ANKHD1: variants seen among roughly 807,000 people sequenced by gnomAD.
The protein encoded by ANKHD1 is ankyrin repeat and KH domain containing 1.
A neutral mutation model predicts 230.5 loss-of-function variants in ANKHD1; 31 were observed. The observed-to-expected ratio is 0.13, with a 90% CI of 0.10 to 0.18. The LOEUF (loss-of-function observed/expected upper bound fraction) is 0.18, where lower values mean the gene tolerates loss of function less well. Ranked by LOEUF, ANKHD1 falls within the 10% of genes least tolerant of loss-of-function variation. ANKHD1 has a pLI of 1.00. For missense variants in ANKHD1, 2,256 were observed against 3,071.3 expected, an observed-to-expected ratio of 0.73 and a Z score of 6.27; for synonymous variants, 1,074 against 1,117.6, an observed-to-expected ratio of 0.96 and a Z score of 0.78.
intron 24 of ANKHD1, among the ~76,000 whole-genome samples, chr5:140,522,420 CAATG>C: frequency 6.6e-6 from 1 of 152,282 alleles, no homozygotes; most frequent in Middle Eastern, 3.4e-3. Flanking sequence ...AAACAATGCT[CAATG>C]ATTGTAAGCA....
rs1249528105 is a variant in ANKHD1, at chr5:140,526,163, C to T, written c.4660C>T (p.Pro1554Ser). ...KNKKNKTKETPPTAHLILPEQ... is the reference protein window; with the variant it reads ...KNKKNKTKETSPTAHLILPEQ... ...TAAGAAGAACAAAACAAAAGAAACC[C>T]CTCCTACAGCACATTTAATTTTACC... The change falls in exon 26 of 34, where the codon CCT (proline) becomes TCT (serine). Residue 1554 changes from proline to serine, a missense_variant. Transcript: ENST00000360839. The T allele has an allele frequency of 1.2e-6, 2 of 1,613,428 alleles. No homozygotes were observed. Among genetic ancestry groups the T allele is most frequent in the African/African-American group, 2.7e-5 (2 of 74,876 alleles).
chr5:140,404,190 A>G (rs372301475), intron 1 of ANKHD1, among the ~76,000 whole-genome samples: 7 of 152,286 alleles, frequency 4.6e-5, no homozygotes, highest in African/African-American at 1.4e-4. Context: ...TTTCAGTGAA[A>G]CGTGAGAGAT....
At chr5:140,539,312 C>G in intron 33 of ANKHD1, 47 bp from the exon 34 acceptor site, 1 of 1,611,582 alleles carries the variant, frequency 6.2e-7, no homozygotes, top group African/African-American at 1.3e-5. Flanking sequence ...TTGTAACTGT[C>G]TAAAGATTCC....
intron 14 of ANKHD1, among the ~76,000 whole-genome samples, chr5:140,493,605 T>C (rs1021880628): frequency 1.3e-5 from 2 of 152,236 alleles, no homozygotes; most frequent in Non-Finnish European, 1.5e-5. Flanking sequence ...ATTATCTGTT[T>C]TTCACCAATC....
chr5:140,497,877 C>CACA (rs1198938820), intron 15 of ANKHD1, among the ~76,000 whole-genome samples: 11 of 144,516 alleles, frequency 7.6e-5, no homozygotes, highest in African/African-American at 1.5e-4. Flanking sequence ...CCACACCACA[C>CACA]CACACACACA....
At chr5:140,513,533 G>T in intron 24 of ANKHD1, 54 bp downstream of exon 24, 1 of 1,567,492 alleles carries the variant, frequency 6.4e-7, no homozygotes, top group South Asian at 1.2e-5. Context: ...TGGGGGCCGG[G>T]CACGGTGGCT....
chr5:140,485,923 A>G lies in ANKHD1; in HGVS notation c.2142+191A>G. The G allele has an allele frequency of 8.4e-6, 7 of 836,488 alleles. No individual in the cohort carries two copies. Among genetic ancestry groups the G allele is most frequent in the Non-Finnish European group, 1.2e-5 (7 of 571,606 alleles). 51.8% of individuals were successfully genotyped at this position (836,488 alleles called of 1,614,324 possible). A position where few individuals can be genotyped will look rare whatever the true frequency, so the allele number is the denominator to read the frequency against. ...ACTGAAATTTGTTATTGCCTTATTT[A>G]TTGAGAATAGTGGTTTTTAAAAACC... On this transcript the variant is annotated intron_variant, in intron 13 of 33. Transcript: ENST00000360839. This position sits in a 1 kb window ranked among gnomAD's most constrained non-coding sequence, Gnocchi z 4.8.
intron 15 of ANKHD1, among the ~76,000 whole-genome samples, chr5:140,504,109 G>A (rs1752440929): frequency 6.6e-6 from 1 of 151,012 alleles, no homozygotes; most frequent in South Asian, 2.1e-4. Context: ...CTGGAGGGCA[G>A]TGGCGTGATC....
At chr5:140,421,435 G>A (rs2126874478) in intron 1 of ANKHD1, among the ~76,000 whole-genome samples, 1 of 151,852 alleles carries the variant, frequency 6.6e-6, no homozygotes, top group South Asian at 2.1e-4. Flanking sequence ...TGAGTAGCTG[G>A]GATTACAGGG....
intron 25 of ANKHD1, chr5:140,524,957 A>G: frequency 2.8e-6 from 1 of 353,830 alleles, no homozygotes; most frequent in Admixed American, 3.4e-5. Context: ...AAAAAATTAC[A>G]AAATTAGCCT....
intron 6 of ANKHD1, among the ~76,000 whole-genome samples, chr5:140,447,035 T>C (rs1233414153): frequency 1.3e-5 from 2 of 151,994 alleles, no homozygotes; most frequent in Non-Finnish European, 2.9e-5. Flanking sequence ...TCAGCCTCCC[T>C]AGTAGCTGGT....
intron 10 of ANKHD1, among the ~76,000 whole-genome samples, chr5:140,478,423 ATTATT>A (rs1206273198): frequency 1.3e-5 from 2 of 151,242 alleles, no homozygotes; most frequent in East Asian, 1.9e-4. Context: ...GTGAATTGTA[ATTATT>A]TTATAAGTAG....
intron 25 of ANKHD1, chr5:140,524,910 C>G: frequency 3.5e-6 from 1 of 286,928 alleles, no homozygotes; most frequent in Non-Finnish European, 6.9e-6. Context: ...ACCAGCCTGA[C>G]CAATATGGTG....
chr5:140,479,170 T>C lies in ANKHD1; in HGVS notation c.1783-3410T>C, dbSNP rs982138702. Among the ~76,000 whole-genome samples the C allele has an allele frequency of 8.1e-5, 12 of 148,780 alleles. 1 individual carries two copies. Among genetic ancestry groups the C allele is most frequent in the African/African-American group, 3.0e-4 (12 of 40,356 alleles). ...CCGCCACCACGCCCGGCTAATTTTG[T>C]TTTTTTTTGTATTTTACGGGGTTTC... On this transcript the variant is annotated intron_variant, in intron 10 of 33. Transcript: ENST00000360839.
At chr5:140,479,739 T>C (rs1004086367) in intron 10 of ANKHD1, among the ~76,000 whole-genome samples, 1 of 149,638 alleles carries the variant, frequency 6.7e-6, no homozygotes, top group Admixed American at 6.7e-5. Context: ...TAGGTATATA[T>C]ATATACTTAT....
intron 14 of ANKHD1, among the ~76,000 whole-genome samples, chr5:140,491,139 C>CACATATATATATATAT (rs1460352213): frequency 1.4e-4 from 8 of 56,360 alleles, no homozygotes; most frequent in Admixed American, 3.2e-4. Flanking sequence ...TATATATACA[C>CACATATATATATATAT]ATATATATAT....
At chr5:140,471,075 T>C (rs546552604) in intron 10 of ANKHD1, among the ~76,000 whole-genome samples, 75 of 152,254 alleles carry the variant, frequency 4.9e-4, no homozygotes, top group South Asian at 1.2e-3. Context: ...AATCTGAAAA[T>C]CCAAAATCTG....
rs749495253 is a variant in ANKHD1, at chr5:140,496,570, C to G, written c.2296C>G (p.Leu766Val). 2 of 1,590,240 alleles carry G rather than the reference C, an allele frequency of 1.3e-6. No individual in the cohort carries two copies. Among genetic ancestry groups the G allele is most frequent in the South Asian group, 1.1e-5 (1 of 90,532 alleles). ...SSLQVADQDL[L>V]PSFHPYQPLE... The stretch of plus-strand genomic sequence containing the variant: ...CCTCCAGGTAGCAGATCAGGACCTA[C>G]TGCCATCTTTTCACCCATACCAGCC... The change falls in exon 15 of 34, where the codon CTG (leucine) becomes GTG (valine). Residue 766 changes from leucine (L) to valine (V), a missense_variant. This residue lies in a region of ANKHD1 where 358 missense variants were observed against 397.7 expected (regional missense o/e 0.90). Coordinates refer to ENST00000360839, the MANE Select transcript of ANKHD1 (RefSeq NM_017747.3).
At chr5:140,425,988 G>A (rs1449023787) in intron 1 of ANKHD1, among the ~76,000 whole-genome samples, 1 of 152,142 alleles carries the variant, frequency 6.6e-6, no homozygotes, top group Non-Finnish European at 1.5e-5. Context: ...GAGGGCTCAC[G>A]TTGGGTAGGG....
Sources: gnomAD v4.1 joint callset for allele counts (sites outside exome capture counted in the v4.1 genomes callset) on GRCh38, gnomAD v4.1.1 for gene constraint, gnomAD v4.1.1 regional missense constraint, Gnocchi (gnomAD v3.1) non-coding constraint, MANE v1.5 for transcripts, NCBI Gene and HGNC (gene_info 2026-07-23, HGNC 2026-07-21) for gene names.